ERN2: variants seen among roughly 807,000 people sequenced by gnomAD.
ERN2 encodes the protein endoplasmic reticulum to nucleus signaling 2.
ERN2 carries 111 observed loss-of-function variants against 107.9 expected under a neutral mutation model. The ratio of observed to expected loss-of-function variants is 1.03; its 90% CI spans 0.88 to 1.20. The LOEUF is 1.20. Among genes scored for constraint, ERN2 ranks in the 50% most tolerant of loss-of-function variants. ERN2 has a pLI of 0.00. For missense variants in ERN2, 1,225 were observed against 1,197.9 expected, an observed-to-expected ratio of 1.02 and a Z score of -0.33; for synonymous variants, 524 against 501.7, an observed-to-expected ratio of 1.04 and a Z score of -0.59.
chr16:23,705,773 G>A (rs7191943), intron 7 of ERN2, among the ~76,000 whole-genome samples: 2,486 of 152,212 alleles, frequency 0.016, 57 homozygotes, highest in African/African-American at 0.056. Context: ...GATGAGCCAG[G>A]CTTGGTGGTA....
chr16:23,691,502 G>T, intron 19 of ERN2, 77 bp from the exon 20 acceptor site: 1 of 1,497,328 alleles, frequency 6.7e-7, no homozygotes, highest in African/African-American at 1.4e-5. Flanking sequence ...TCTTACAGGA[G>T]TAGTTTAGGG....
Position 23,709,288 on chromosome 16 carries a change from T to C in ERN2, c.306+884A>G, listed in dbSNP as rs555511846. 43 of 367,286 alleles carry C rather than the reference T, an allele frequency of 1.2e-4. No individual in the cohort carries two copies. In the Middle Eastern group the frequency reaches 1.8e-3, roughly 16 times the overall value. The allele number at this position is 367,286 out of a possible 1,614,324, so 22.8% of individuals were successfully genotyped here. ...ACTCCAGCCTGGACACATAATGAGATGCTGTCTTTAAAAAATTTGTTTAAA... is the reference window on the plus strand; with the variant it reads ...ACTCCAGCCTGGACACATAATGAGACGCTGTCTTTAAAAAATTTGTTTAAA... On this transcript the variant is annotated intron_variant, in intron 4 of 21. Transcript: ENST00000256797.
chr16:23,700,871 G>A, intron 12 of ERN2, 88 bp downstream of exon 12: 1 of 1,507,452 alleles, frequency 6.6e-7, no homozygotes, highest in Non-Finnish European at 9.0e-7. Context: ...AATCAGAGCT[G>A]GGTAGAGGGA....
chr16:23,697,533 G>C (rs559074989), intron 13 of ERN2, among the ~76,000 whole-genome samples: 205 of 152,194 alleles, frequency 1.3e-3, no homozygotes, highest in Non-Finnish European at 2.4e-3. Context: ...TTGTGTGTCT[G>C]CTCTCAGTAC....
Position 23,695,984 on chromosome 16 carries a change from G to C in ERN2, c.1526-6C>G. ...CACTACGGTGAGTTGCTCAGCTGGGGGAGAGGAGGGTGGTGACTCAGGGAG... is the reference window on the plus strand; with the variant it reads ...CACTACGGTGAGTTGCTCAGCTGGGCGAGAGGAGGGTGGTGACTCAGGGAG... On this transcript the variant is annotated splice_polypyrimidine_tract_variant and splice_region_variant and intron_variant, in intron 13 of 21. Transcript: ENST00000256797. 6.2e-7 allele frequency: 1 copy of C among 1,612,396 alleles called. No homozygotes were observed. Among genetic ancestry groups the C allele is most frequent in the Non-Finnish European group, 8.5e-7 (1 of 1,178,494 alleles).
chr16:23,707,430 C>T (rs922121223), intron 4 of ERN2: 4 of 322,930 alleles, frequency 1.2e-5, no homozygotes, highest in Non-Finnish European at 2.4e-5. Flanking sequence ...AAAACTTGCA[C>T]TGGGGCAGGC....
chr16:23,706,620 G>A, intron 6 of ERN2, 134 bp downstream of exon 6: 2 of 760,564 alleles, frequency 2.6e-6, no homozygotes, highest in Non-Finnish European at 4.5e-6. Context: ...TCCTAGTTCA[G>A]TGCTCTGTAG....
intron 13 of ERN2, among the ~76,000 whole-genome samples, chr16:23,698,447 G>C (rs1959915264): frequency 6.6e-6 from 1 of 152,234 alleles, no homozygotes; most frequent in Non-Finnish European, 1.5e-5. Flanking sequence ...AAGCGCTATA[G>C]AAATGTTATC....
chr16:23,698,870 G>A (rs1410471601), intron 13 of ERN2, among the ~76,000 whole-genome samples: 1 of 152,196 alleles, frequency 6.6e-6, no homozygotes, highest in Admixed American at 6.5e-5. Flanking sequence ...TTACAGGCAT[G>A]AGCCACCGTG....
intron 1 of ERN2, chr16:23,712,749 T>A (rs1960593903): frequency 3.6e-6 from 1 of 279,758 alleles, no homozygotes. Flanking sequence ...CAATCATATT[T>A]TCAAAGGAAG....
chr16:23,710,487 C>T, intron 3 of ERN2, 29 bp downstream of exon 3: 1 of 1,612,940 alleles, frequency 6.2e-7, no homozygotes, highest in Non-Finnish European at 8.5e-7. Flanking sequence ...CCAGAAGCCT[C>T]CTCCTTAAAA....
At chr16:23,701,150 T>C in intron 11 of ERN2, 36 bp from the exon 12 acceptor site, 1 of 1,597,432 alleles carries the variant, frequency 6.3e-7, no homozygotes, top group Non-Finnish European at 8.5e-7. Context: ...TAGCACCCCC[T>C]TCCACCAGGG....
chr16:23,694,979 G>T (rs776924472), intron 16 of ERN2, 40 bp downstream of exon 16: 4 of 1,613,260 alleles, frequency 2.5e-6, no homozygotes, highest in Admixed American at 1.7e-5. Context: ...GAAGGCAGGG[G>T]CTAAGGACAG....
chr16:23,695,850 CTG>C, intron 14 of ERN2, 42 bp downstream of exon 14: 3 of 1,494,024 alleles, frequency 2.0e-6, no homozygotes, highest in Non-Finnish European at 2.8e-6. Flanking sequence ...CCCACGAGGG[CTG>C]TGAGTGCCAT....
intron 8 of ERN2, 93 bp downstream of exon 8, chr16:23,704,790 T>C: frequency 7.5e-7 from 1 of 1,340,706 alleles, no homozygotes; most frequent in Non-Finnish European, 1.0e-6. Context: ...GCGGTACTGG[T>C]GTGTCACAGC....
chr16:23,692,124 T>G, intron 18 of ERN2, 34 bp from the exon 19 acceptor site: 4 of 1,613,768 alleles, frequency 2.5e-6, no homozygotes, highest in Middle Eastern at 1.6e-4. Context: ...AGAGTCTGCT[T>G]CAGGCCTGCC....
intron 17 of ERN2, 99 bp from the exon 18 acceptor site, chr16:23,692,430 G>T: frequency 1.5e-6 from 2 of 1,322,270 alleles, no homozygotes; most frequent in Non-Finnish European, 2.1e-6. Flanking sequence ...CAGGGGTTTG[G>T]CTCAGACTGG....
At chr16:23,693,601 A>AAATATAT (rs1555466492) in intron 17 of ERN2, among the ~76,000 whole-genome samples, 41 of 147,786 alleles carry the variant, frequency 2.8e-4, no homozygotes, top group African/African-American at 1.0e-3. Flanking sequence ...AAAAAAAAAA[A>AAATATAT]ATATATATAT....
At chr16:23,698,291 G>A (rs1399143512) in intron 13 of ERN2, among the ~76,000 whole-genome samples, 1 of 152,166 alleles carries the variant, frequency 6.6e-6, no homozygotes, top group Non-Finnish European at 1.5e-5. Context: ...GGTAAGGATG[G>A]GAGTTGTCAC....
Sources: allele counts gnomAD v4.1 joint callset (sites outside exome capture counted in the v4.1 genomes callset), GRCh38; gene constraint gnomAD v4.1.1; transcripts MANE v1.5; gene names NCBI Gene and HGNC (gene_info 2026-07-23, HGNC 2026-07-21).